AFF1: variants seen among roughly 807,000 people sequenced by gnomAD.
AFF1 encodes the protein ALF transcription elongation factor 1, also known as AF4/FMR2 family member 1.
AFF1 carries 48 observed loss-of-function variants against 121.7 expected under a neutral mutation model. The observed-to-expected ratio is 0.39, with a 90% CI of 0.31 to 0.50. The LOEUF (loss-of-function observed/expected upper bound fraction) is 0.50, where lower values mean the gene tolerates loss of function less well. Ranked by LOEUF, AFF1 falls within the 20% of genes least tolerant of loss-of-function variation. The pLI is 0.76. For missense variants in AFF1, 1,523 were observed against 1,511.7 expected (o/e 1.01, Z -0.12); for synonymous variants, 613 against 563.0 (o/e 1.09, Z -1.26).
intron 8 of AFF1, among the ~76,000 whole-genome samples, chr4:87,102,412 A>G (rs1461649425): frequency 6.6e-6 from 1 of 152,146 alleles, no homozygotes; most frequent in Non-Finnish European, 1.5e-5. Flanking sequence ...GGGTTCTGGA[A>G]TTTAGATTTA....
chr4:86,984,643 A>G lies in AFF1; in HGVS notation c.38+36072A>G, dbSNP rs187672678. On this transcript the variant is annotated intron_variant, in intron 2 of 20. Transcript: ENST00000395146. ...TGGCCAAGATACATCTTAAGGATGAAAAAGAAAGAAAGCTGGATACAGTGG... is the reference window on the plus strand; with the variant it reads ...TGGCCAAGATACATCTTAAGGATGAGAAAGAAAGAAAGCTGGATACAGTGG... Among the ~76,000 whole-genome samples, 154 of 152,278 alleles carry G rather than the reference A, an allele frequency of 1.0e-3. 3 individuals are homozygous for G. Among genetic ancestry groups the G allele is most frequent in the Admixed American group, 8.8e-3 (134 of 15,296 alleles).
At chr4:87,013,574 C>T (rs922340589) in intron 2 of AFF1, among the ~76,000 whole-genome samples, 2 of 151,846 alleles carry the variant, frequency 1.3e-5, no homozygotes, top group African/African-American at 2.4e-5. Flanking sequence ...TCCGTGGTGG[C>T]TCATATGGGT....
At chr4:87,014,009 A>C (rs922247060) in intron 2 of AFF1, among the ~76,000 whole-genome samples, 2 of 152,030 alleles carry the variant, frequency 1.3e-5, no homozygotes, top group Non-Finnish European at 2.9e-5. Context: ...ATAAATACAC[A>C]TTTTTCCCCT....
chr4:87,047,156 C>G lies in AFF1; in HGVS notation c.621C>G (p.Pro207=). Residue 207 remains proline (P), a synonymous_variant, in exon 4 of 21, where the codon CCC becomes CCG. Coordinates refer to ENST00000395146, the MANE Select transcript of AFF1 (RefSeq NM_001166693.3). ...CGGCTCCAGAGAGGGAGCTTTCTCC[C>G]TTAATCTCTTTGCCTTCCCCAGTTC... ...TDSAPERELS[P]LISLPSPVPP... The G allele has an allele frequency of 1.2e-6, 2 of 1,614,194 alleles. No individual in the cohort carries two copies. Among genetic ancestry groups the G allele is most frequent in the Non-Finnish European group, 1.7e-6 (2 of 1,180,032 alleles).
At chr4:86,954,345 C>A (rs1721588429) in intron 2 of AFF1, among the ~76,000 whole-genome samples, 1 of 152,120 alleles carries the variant, frequency 6.6e-6, no homozygotes, top group Non-Finnish European at 1.5e-5. Flanking sequence ...TTATGAATAA[C>A]ATAAACAGCT....
intron 10 of AFF1, among the ~76,000 whole-genome samples, chr4:87,106,544 C>G (rs144236358): frequency 3.3e-5 from 5 of 152,290 alleles, no homozygotes; most frequent in Admixed American, 2.6e-4. Context: ...TTCCATTATG[C>G]CTGTTTTCTT....
At chr4:87,084,247 AG>A in intron 5 of AFF1, 83 bp downstream of exon 5, 5 of 1,468,892 alleles carry the variant, frequency 3.4e-6, no homozygotes, top group Non-Finnish European at 3.8e-6. Context: ...TTTAAAGAAC[AG>A]TTGCCATTGG....
At chr4:87,045,559 A>G (rs940052595) in intron 2 of AFF1, among the ~76,000 whole-genome samples, 1 of 152,158 alleles carries the variant, frequency 6.6e-6, no homozygotes, top group Non-Finnish European at 1.5e-5. Flanking sequence ...GCTGACATCT[A>G]TAATTGGATT....
intron 2 of AFF1, among the ~76,000 whole-genome samples, chr4:86,953,726 CT>C (rs34118799): frequency 2.0e-4 from 30 of 148,520 alleles, no homozygotes; most frequent in Non-Finnish European, 2.7e-4. Flanking sequence ...TTTCTTTTTT[CT>C]TTTTTTTTTG....
intron 4 of AFF1, among the ~76,000 whole-genome samples, chr4:87,078,656 A>G (rs989995295): frequency 1.3e-5 from 2 of 152,190 alleles, no homozygotes; most frequent in African/African-American, 4.8e-5. Flanking sequence ...AGGGCTCCAG[A>G]TCGGGGCAAG....
chr4:86,968,153 G>T (rs137956346), intron 2 of AFF1, among the ~76,000 whole-genome samples: 1 of 152,246 alleles, frequency 6.6e-6, no homozygotes, highest in Non-Finnish European at 1.5e-5. Context: ...CACCTCTTCC[G>T]TGAAACCTCC....
At chr4:87,105,934 T>C (rs540596209) in intron 10 of AFF1, 89 bp downstream of exon 10, 1 of 1,491,520 alleles carries the variant, frequency 6.7e-7, no homozygotes, top group East Asian at 2.3e-5. Context: ...TACTTTCACA[T>C]TTTTTGTCAT....
intron 2 of AFF1, among the ~76,000 whole-genome samples, chr4:86,963,755 T>C (rs1345078371): frequency 1.3e-5 from 2 of 151,976 alleles, no homozygotes; most frequent in Admixed American, 6.6e-5. Flanking sequence ...GATATCTTAG[T>C]CATCCTTTAA....
chr4:86,995,871 G>A (rs1445115513), intron 2 of AFF1, among the ~76,000 whole-genome samples: 1 of 150,678 alleles, frequency 6.6e-6, no homozygotes. Flanking sequence ...AGTGAGGAGC[G>A]TCTCTGCCCG....
chr4:87,109,209 A>G (rs757676727), intron 11 of AFF1, among the ~76,000 whole-genome samples: 1 of 152,228 alleles, frequency 6.6e-6, no homozygotes, highest in Non-Finnish European at 1.5e-5. Flanking sequence ...TTAGGAAAGC[A>G]TTAAAAAGCC....
At chr4:87,131,331 A>G in intron 17 of AFF1, 112 bp downstream of exon 17, 1 of 1,394,202 alleles carries the variant, frequency 7.2e-7, no homozygotes, top group East Asian at 2.3e-5. Context: ...GGGAGCCTTA[A>G]AAAAGTTATT....
chr4:87,107,292 T>G (rs118120725), intron 10 of AFF1, among the ~76,000 whole-genome samples: 3 of 152,266 alleles, frequency 2.0e-5, no homozygotes, highest in East Asian at 1.9e-4. Flanking sequence ...TAATGACTTA[T>G]TGCTTTAATT....
intron 14 of AFF1, among the ~76,000 whole-genome samples, chr4:87,126,728 G>T (rs997456380): frequency 4.6e-5 from 7 of 152,078 alleles, no homozygotes; most frequent in African/African-American, 1.7e-4. Context: ...TTCTCTTCCT[G>T]TTAATCTGGG....
intron 5 of AFF1, among the ~76,000 whole-genome samples, chr4:87,087,317 T>C (rs929446052): frequency 6.6e-6 from 1 of 152,230 alleles, no homozygotes; most frequent in East Asian, 1.9e-4. Context: ...ATACATAGTG[T>C]TGGGTGTTGA....
Sources: gnomAD v4.1 joint callset for allele counts (sites outside exome capture counted in the v4.1 genomes callset) on GRCh38, gnomAD v4.1.1 for gene constraint, MANE v1.5 for transcripts, NCBI Gene and HGNC (gene_info 2026-07-23, HGNC 2026-07-21) for gene names.